Variants in NOSTRIN observed in about 807,000 individuals in gnomAD.
NOSTRIN encodes the protein BM247 homolog.
A neutral mutation model predicts 59.0 loss-of-function variants in NOSTRIN; 63 were observed. That is an observed-to-expected ratio of 1.07 (90% CI 0.87 to 1.32). NOSTRIN has a LOEUF of 1.32. NOSTRIN is among the 40% of genes most tolerant of loss of function. The probability of loss-of-function intolerance (pLI) is 0.00; values close to 1 mark genes in which losing one functional copy is unlikely to be tolerated. For synonymous variants in NOSTRIN, 200 were observed against 165.4 expected, an observed-to-expected ratio of 1.21 and a Z score of -1.61; for missense variants, 512 against 473.1, an observed-to-expected ratio of 1.08 and a Z score of -0.76.
At position 168,791,753 on chromosome 2, in the gene NOSTRIN, T is replaced by A. The variant is rs369783260; in HGVS notation, c.-473+3705T>A. ...TTCTCTGATGGCCAGTGACGGTTTT[T>A]TTCATGTGTTTTTTGGCTGCATAAA... On this transcript the variant is annotated intron_variant, in intron 2 of 20. Coordinates refer to the NOSTRIN transcript ENST00000458381. 6.0e-3 allele frequency among the ~76,000 whole-genome samples: 921 copies of A among 152,314 alleles called. 7 individuals are homozygous for A. Among genetic ancestry groups the A allele is most frequent in the African/African-American group, 0.021 (877 of 41,564 alleles).
At chr2:168,864,204 G>C (rs549189165) in intron 15 of NOSTRIN, among the ~76,000 whole-genome samples, 3 of 151,834 alleles carry the variant, frequency 2.0e-5, no homozygotes, top group Non-Finnish European at 4.4e-5. Flanking sequence ...TTGACCTCAA[G>C]TAATCTGCCT....
chr2:168,864,031 C>T (rs1689675443), intron 15 of NOSTRIN, among the ~76,000 whole-genome samples: 1 of 151,618 alleles, frequency 6.6e-6, no homozygotes, highest in Non-Finnish European at 1.5e-5. Context: ...CTGCCTCAGT[C>T]TCCCAAGCTC....
rs2105635758 is a variant in NOSTRIN, at chr2:168,828,515, T to G, written c.342+14T>G. On this transcript the variant is annotated intron_variant, in intron 5 of 15. Transcript: ENST00000317647. Reference sequence around the variant, plus strand: ...AAGAGAAAATCAGTGAGTCCAAACCTTTCTTTACTCTTCCTGTTTAAAGCA... The same window carrying G: ...AAGAGAAAATCAGTGAGTCCAAACCGTTCTTTACTCTTCCTGTTTAAAGCA... The G allele has an allele frequency of 1.2e-6, 1 of 835,146 alleles. No homozygotes were observed. The highest frequency in any genetic ancestry group is 2.5e-5 in the East Asian group (1 of 40,536). The allele number at this position is 835,146 out of a possible 1,614,324, so 51.7% of individuals were successfully genotyped here. A position where few individuals can be genotyped will look rare whatever the true frequency, so the allele number is the denominator to read the frequency against.
At chr2:168,819,866 G>A (rs1169321254) in intron 2 of NOSTRIN, among the ~76,000 whole-genome samples, 1 of 152,128 alleles carries the variant, frequency 6.6e-6, no homozygotes, top group Non-Finnish European at 1.5e-5. Flanking sequence ...TGCTGTCAGA[G>A]TCCCCATCCT....
chr2:168,863,654 A>G, intron 15 of NOSTRIN: 2 of 913,806 alleles, frequency 2.2e-6, no homozygotes, highest in African/African-American at 3.2e-5. Context: ...GGGGAGTTAC[A>G]TTTCTGTGCA....
In NOSTRIN at chr2:168,859,621, T is replaced by G; in HGVS notation, c.1163T>G (p.Phe388Cys). The G allele has an allele frequency of 6.2e-7, 1 of 1,614,052 alleles. No homozygotes were observed. Among genetic ancestry groups the G allele is most frequent in the Non-Finnish European group, 8.5e-7 (1 of 1,179,964 alleles). The change falls in exon 13 of 16, where the codon TTC becomes TGC. Residue 388 changes from phenylalanine to cysteine, a missense_variant. Transcript: ENST00000317647. ...QPSHPCSNSI[F>C]RWREKEHTHS... ...AGCCATCCTTGTAGTAATTCCATCT[T>G]CAGGTGGAGGGAAAAGGTAACATTT...
intron 2 of NOSTRIN, among the ~76,000 whole-genome samples, chr2:168,813,984 C>T (rs1686278611): frequency 6.6e-6 from 1 of 152,192 alleles, no homozygotes; most frequent in Admixed American, 6.5e-5. Context: ...CTTGAGCTTT[C>T]AAGTTTCCTC....
At chr2:168,811,102 TACTG>T (rs1339103947) in intron 1 of NOSTRIN, among the ~76,000 whole-genome samples, 1 of 152,222 alleles carries the variant, frequency 6.6e-6, no homozygotes, top group Non-Finnish European at 1.5e-5. Flanking sequence ...CCAGGTTATT[TACTG>T]ACAGTTTCAT....
chr2:168,805,668 C>T (rs1371422831), intron 1 of NOSTRIN, among the ~76,000 whole-genome samples: 1 of 152,170 alleles, frequency 6.6e-6, no homozygotes. Context: ...GCCACACAGT[C>T]AGCCCCTCCC....
chr2:168,814,046 A>G, intron 2 of NOSTRIN, among the ~76,000 whole-genome samples: 1 of 152,204 alleles, frequency 6.6e-6, no homozygotes, highest in Non-Finnish European at 1.5e-5. Context: ...GCTTGTCCAC[A>G]CTAAAAGAGA....
chr2:168,789,842 C>A lies in NOSTRIN; in HGVS notation c.-473+1794C>A, dbSNP rs541910047. On this transcript the variant is annotated intron_variant, in intron 2 of 20. Transcript: ENST00000458381. Reference sequence around the variant, plus strand: ...AGGGCCTTCAAGAAGCTTTCTGAACCATTCTGCCAGCTCTGAGCGTATTTT... The same window carrying A: ...AGGGCCTTCAAGAAGCTTTCTGAACAATTCTGCCAGCTCTGAGCGTATTTT... 3.9e-5 allele frequency among the ~76,000 whole-genome samples: 6 copies of A among 152,244 alleles called. No individual in the cohort carries two copies. In the East Asian group the frequency reaches 1.2e-3, roughly 29 times the overall value.
chr2:168,863,381 A>T (rs943812153), intron 15 of NOSTRIN: 1 of 983,200 alleles, frequency 1.0e-6, no homozygotes, highest in Non-Finnish European at 1.2e-6. Flanking sequence ...TCTTAGAAAG[A>T]AAGTTGCTGA....
rs755615339 is a variant in NOSTRIN at position 168,860,811 on chromosome 2, A to C, written c.1196A>C (p.Tyr399Ser). 1 of 1,608,900 alleles carries C rather than the reference A, an allele frequency of 6.2e-7. No individual in the cohort carries two copies. The highest frequency in any genetic ancestry group is 8.5e-7 in the Non-Finnish European group (1 of 1,175,176). Residue 399 changes from tyrosine to serine, a missense_variant, in exon 14 of 16, where the codon TAT (tyrosine) becomes TCT (serine). Physicochemically the swap from Tyr to Ser is moderately radical, Grantham distance 144 (BLOSUM62 -2). Coordinates refer to ENST00000317647, the MANE Select transcript of NOSTRIN (RefSeq NM_001039724.4). ...TTTGAACAGGAGCATACTCATAGCTATGTGAAAATATCTCGGCCTTTTTTA... is the reference window on the plus strand; with the variant it reads ...TTTGAACAGGAGCATACTCATAGCTCTGTGAAAATATCTCGGCCTTTTTTA... ...RWREKEHTHS[Y>S]VKISRPFLMK...
At chr2:168,831,596 C>T in intron 6 of NOSTRIN, 62 bp downstream of exon 6, 4 of 798,736 alleles carry the variant, frequency 5.0e-6, no homozygotes, top group South Asian at 2.8e-5. Context: ...GTTTTGCTTT[C>T]ATACAAATGC....
At chr2:168,863,129 G>A (rs147179847) in intron 15 of NOSTRIN, among the ~76,000 whole-genome samples, 4 of 152,046 alleles carry the variant, frequency 2.6e-5, no homozygotes, top group African/African-American at 9.7e-5. Context: ...TTCTCTGTTG[G>A]TTGCAAAGCC....
At chr2:168,804,706 C>A (rs764892002) in intron 1 of NOSTRIN, among the ~76,000 whole-genome samples, 1 of 152,084 alleles carries the variant, frequency 6.6e-6, no homozygotes, top group East Asian at 1.9e-4. Flanking sequence ...TGTTCTTAAC[C>A]GGGCCCACAC....
intron 8 of NOSTRIN, among the ~76,000 whole-genome samples, chr2:168,846,805 A>G (rs958008012): frequency 6.6e-6 from 1 of 152,176 alleles, no homozygotes; most frequent in Admixed American, 6.5e-5. Flanking sequence ...GAACACAGAA[A>G]ATGATTCGAG....
At chr2:168,797,079 C>CTTTTTTTTTTT (rs775176252), upstream of NOSTRIN, among the ~76,000 whole-genome samples, 42 of 75,038 alleles carry the variant, frequency 5.6e-4, 3 homozygotes, top group African/African-American at 1.4e-3. Context: ...TTTCTTTTTT[C>CTTTTTTTTTTT]TTTTTTTTTT....
At chr2:168,849,645 C>A (rs751162272) in intron 8 of NOSTRIN, among the ~76,000 whole-genome samples, 8 of 140,448 alleles carry the variant, frequency 5.7e-5, no homozygotes, top group Non-Finnish European at 7.6e-5. Flanking sequence ...CATGAGCCAC[C>A]GCACCTAGCC....
Sources: gnomAD v4.1 joint callset for allele counts (sites outside exome capture counted in the v4.1 genomes callset) on GRCh38, gnomAD v4.1.1 for gene constraint, MANE v1.5 for transcripts, NCBI Gene and HGNC (gene_info 2026-07-23, HGNC 2026-07-21) for gene names.